TAFA5: variants seen among roughly 807,000 people sequenced by gnomAD.
TAFA5 encodes TAFA chemokine like family member 5, also known as chemokine-like protein TAFA-5.
A neutral mutation model predicts 15.3 loss-of-function variants in TAFA5; 6 were observed. The observed-to-expected ratio is 0.39, with a 90% confidence interval of 0.21 to 0.77. TAFA5 has a LOEUF of 0.77. Ranked by LOEUF, TAFA5 falls within the 30% of genes least tolerant of loss-of-function variation. TAFA5 has a pLI of 0.41. For missense variants in TAFA5, 161 were observed against 193.1 expected, an observed-to-expected ratio of 0.83 and a Z score of 0.98; for synonymous variants, 103 against 80.7, an observed-to-expected ratio of 1.28 and a Z score of -1.48.
chr22:48,643,236 G>A (rs928588648), intron 1 of TAFA5, among the ~76,000 whole-genome samples: 6 of 152,230 alleles, frequency 3.9e-5, no homozygotes, highest in East Asian at 1.9e-4. Flanking sequence ...CAGGCTGCCC[G>A]GTGCGTGGCT....
chr22:48,613,935 C>T (rs971472722), intron 1 of TAFA5, among the ~76,000 whole-genome samples: 8 of 152,192 alleles, frequency 5.3e-5, no homozygotes, highest in African/African-American at 1.7e-4. Flanking sequence ...CGGTGGCCCT[C>T]AGCCCGCTTC....
intron 1 of TAFA5, among the ~76,000 whole-genome samples, chr22:48,596,611 C>T (rs28555624): frequency 0.13 from 20,317 of 152,030 alleles, 1,710 homozygotes; most frequent in East Asian, 0.23. Context: ...GAGGGAGGCG[C>T]GTGAGTGACA....
chr22:48,744,831 C>T (rs1382880354), intron 3 of TAFA5, among the ~76,000 whole-genome samples: 4 of 152,178 alleles, frequency 2.6e-5, no homozygotes, highest in Admixed American at 6.5e-5. Flanking sequence ...ACGATCTCGG[C>T]TCACTGCAAC....
chr22:48,715,957 T>A (rs1040927101), intron 3 of TAFA5, among the ~76,000 whole-genome samples: 1 of 152,280 alleles, frequency 6.6e-6, no homozygotes, highest in Non-Finnish European at 1.5e-5. Flanking sequence ...GTTTCAGTTT[T>A]CTGCATATGG....
intron 1 of TAFA5, among the ~76,000 whole-genome samples, chr22:48,595,248 C>T (rs998627543): frequency 6.6e-6 from 1 of 152,188 alleles, no homozygotes; most frequent in Non-Finnish European, 1.5e-5. Flanking sequence ...GGAGGAGGCA[C>T]CACCACCACC....
intron 1 of TAFA5, among the ~76,000 whole-genome samples, chr22:48,620,537 T>C (rs1472376763): frequency 1.7e-5 from 2 of 118,992 alleles, no homozygotes; most frequent in African/African-American, 6.4e-5. Flanking sequence ...TTGATGTTGT[T>C]GCTGAGGACA....
intron 1 of TAFA5, among the ~76,000 whole-genome samples, chr22:48,609,450 C>T (rs1025926378): frequency 2.0e-5 from 3 of 152,144 alleles, no homozygotes; most frequent in African/African-American, 7.2e-5. Context: ...AGACCTGTGG[C>T]ATCACTGGCC....
At chr22:48,648,482 G>T (rs780430374) in intron 2 of TAFA5, among the ~76,000 whole-genome samples, 1 of 152,154 alleles carries the variant, frequency 6.6e-6, no homozygotes, top group African/African-American at 2.4e-5. Context: ...GGGATGGGGC[G>T]TACAGAGACA....
intron 1 of TAFA5, among the ~76,000 whole-genome samples, chr22:48,517,997 A>T (rs133498): frequency 6.6e-6 from 1 of 152,172 alleles, no homozygotes; most frequent in South Asian, 2.1e-4. Flanking sequence ...CCGGGGGCCC[A>T]GGCCCCACGT....
chr22:48,697,838 G>C (rs1436494218), intron 2 of TAFA5, among the ~76,000 whole-genome samples: 1 of 151,598 alleles, frequency 6.6e-6, no homozygotes, highest in African/African-American at 2.4e-5. Context: ...GTTGGTGATA[G>C]TGAGGATACC....
chr22:48,616,850 A>G (rs28621643), intron 1 of TAFA5, among the ~76,000 whole-genome samples: 74,753 of 151,932 alleles, frequency 0.49, 19,062 homozygotes, highest in Non-Finnish European at 0.55. Flanking sequence ...GGGGACCCCT[A>G]GGGGTTTGGT....
At chr22:48,576,618 C>CT in intron 1 of TAFA5, 1 of 1,329,982 alleles carries the variant, frequency 7.5e-7, no homozygotes, top group Non-Finnish European at 9.8e-7. Context: ...CTCTGCCCGG[C>CT]TCGCGGCGGC....
At chr22:48,515,916 C>T (rs1438316890) in intron 1 of TAFA5, among the ~76,000 whole-genome samples, 3 of 147,778 alleles carry the variant, frequency 2.0e-5, no homozygotes, top group Non-Finnish European at 3.0e-5. Context: ...GGGCAGGTGT[C>T]GTTCCTCCAG....
intron 1 of TAFA5, among the ~76,000 whole-genome samples, chr22:48,496,256 CG>C (rs1280033316): frequency 6.6e-6 from 1 of 152,010 alleles, no homozygotes; most frequent in East Asian, 1.9e-4. Context: ...CTGCTGGCCT[CG>C]GGGGACTGAC....
At chr22:48,648,865 G>A (rs745690843) in intron 2 of TAFA5, among the ~76,000 whole-genome samples, 1 of 152,154 alleles carries the variant, frequency 6.6e-6, no homozygotes, top group African/African-American at 2.4e-5. Context: ...GTATCACCGG[G>A]AGAAAGGTGT....
chr22:48,706,081 G>A (rs1929069347), intron 2 of TAFA5, among the ~76,000 whole-genome samples: 1 of 152,228 alleles, frequency 6.6e-6, no homozygotes, highest in African/African-American at 2.4e-5. Context: ...TCTTGCCCTG[G>A]GCCTGGGTGT....
intron 2 of TAFA5, among the ~76,000 whole-genome samples, chr22:48,673,003 C>G (rs1194273313): frequency 6.6e-6 from 1 of 152,176 alleles, no homozygotes; most frequent in Admixed American, 6.5e-5. Flanking sequence ...GACAAAAACC[C>G]TGACCCCAAG....
At chr22:48,729,806 A>G (rs1929818954) in intron 3 of TAFA5, among the ~76,000 whole-genome samples, 1 of 149,702 alleles carries the variant, frequency 6.7e-6, no homozygotes, top group African/African-American at 2.4e-5. Context: ...AGGAACTGAA[A>G]TATTTTAGAA....
At position 48,661,819 on chromosome 22, in the gene TAFA5, G is replaced by A. The variant is rs139778114; in HGVS notation, c.262+15073G>A. ...ACAAGTCTGCAGAAATGAACTGGGG[G>A]CCTGGGAGCCTGGGAGCCTGCAGAG... On this transcript the variant is annotated intron_variant, in intron 2 of 3. Transcript: ENST00000402357. 2.8e-3 allele frequency among the ~76,000 whole-genome samples: 430 copies of A among 152,270 alleles called. 2 individuals are homozygous for A. Among genetic ancestry groups the A allele is most frequent in the African/African-American group, 9.6e-3 (399 of 41,566 alleles).
Sources: allele counts gnomAD v4.1 joint callset (sites outside exome capture counted in the v4.1 genomes callset), GRCh38; gene constraint gnomAD v4.1.1; transcripts MANE v1.5; gene names NCBI Gene and HGNC (gene_info 2026-07-23, HGNC 2026-07-21).